TRPC4AP: variants seen among roughly 807,000 people sequenced by gnomAD.
TRPC4AP encodes short transient receptor potential channel 4-associated protein.
A neutral mutation model predicts 99.0 loss-of-function variants in TRPC4AP; 45 were observed. The observed-to-expected ratio is 0.45, with a 90% CI of 0.36 to 0.58. TRPC4AP has a LOEUF of 0.58. Among genes scored for constraint, TRPC4AP ranks in the 20% least tolerant of loss-of-function variants. The probability of loss-of-function intolerance (pLI) is 0.00; values close to 1 mark genes in which losing one functional copy is unlikely to be tolerated. For missense variants in TRPC4AP, 879 were observed against 985.3 expected, an observed-to-expected ratio of 0.89 and a Z score of 1.44; for synonymous variants, 408 against 385.8, an observed-to-expected ratio of 1.06 and a Z score of -0.67.
intron 13 of TRPC4AP, among the ~76,000 whole-genome samples, chr20:35,007,884 G>T (rs1029931154): frequency 3.3e-5 from 5 of 152,328 alleles, no homozygotes; most frequent in Non-Finnish European, 5.9e-5. Flanking sequence ...CACAGAAAGG[G>T]TAACATCTGG....
chr20:35,024,377 C>A (rs1569096282), intron 8 of TRPC4AP, among the ~76,000 whole-genome samples: 1 of 152,170 alleles, frequency 6.6e-6, no homozygotes, highest in Non-Finnish European at 1.5e-5. Flanking sequence ...TATGCAATTG[C>A]CTGTTCAGGA....
intron 8 of TRPC4AP, among the ~76,000 whole-genome samples, chr20:35,024,854 A>AAAAAAACCAT (rs1479270980): frequency 4.5e-5 from 4 of 89,480 alleles, no homozygotes; most frequent in East Asian, 8.7e-4. Context: ...AAAAAAAAAA[A>AAAAAAACCAT]ATTCTGTTTA....
chr20:35,018,604 GAAA>G (rs11479211), intron 9 of TRPC4AP, among the ~76,000 whole-genome samples: 198 of 88,934 alleles, frequency 2.2e-3, no homozygotes, highest in African/African-American at 7.1e-3. Flanking sequence ...CTCAAAAAAA[GAAA>G]AAAAAAAAAA....
At chr20:35,037,117 CG>C (rs901168853) in intron 7 of TRPC4AP, among the ~76,000 whole-genome samples, 2 of 152,014 alleles carry the variant, frequency 1.3e-5, no homozygotes, top group Non-Finnish European at 2.9e-5. Context: ...GAGGCCGAGG[CG>C]GGTGGATCAC....
intron 8 of TRPC4AP, among the ~76,000 whole-genome samples, chr20:35,025,029 T>C (rs1451759484): frequency 6.6e-6 from 1 of 152,094 alleles, no homozygotes. Flanking sequence ...TAACTGTATG[T>C]TAACCCTTTG....
At chr20:35,019,030 T>C (rs557906364) in intron 9 of TRPC4AP, among the ~76,000 whole-genome samples, 2 of 152,338 alleles carry the variant, frequency 1.3e-5, no homozygotes, top group East Asian at 3.9e-4. Context: ...TGACAGCACA[T>C]GGGGAGCCTT....
intron 16 of TRPC4AP, among the ~76,000 whole-genome samples, chr20:35,005,127 C>A (rs527355372): frequency 3.9e-5 from 6 of 152,206 alleles, no homozygotes; most frequent in Non-Finnish European, 8.8e-5. Context: ...TCCCCTGAAA[C>A]AGACCCTCTG....
chr20:35,035,105 G>C lies in TRPC4AP; in HGVS notation c.1051+18C>G, dbSNP rs374924202. The C allele has an allele frequency of 6.2e-7, 1 of 1,607,524 alleles. No homozygotes were observed. On this transcript the variant is annotated intron_variant, in intron 8 of 18. Coordinates refer to ENST00000252015, the MANE Select transcript of TRPC4AP (RefSeq NM_015638.3). The stretch of plus-strand genomic sequence containing the variant: ...AAGGAAAAGCTCCCGATCACTCAGG[G>C]GACCCATCCTTCCATACCTTGATTG...
In TRPC4AP at chr20:35,092,770, C is replaced by G. The variant is rs1416683983; in HGVS notation, c.12G>C (p.Ala4=). Residue 4 remains alanine, a synonymous_variant, in exon 1 of 19, where the codon GCG becomes GCC. Coordinates refer to ENST00000252015, the MANE Select transcript of TRPC4AP (RefSeq NM_015638.3). ...CGGCTCCAGACCCAGCCGCTACCGG[C>G]GCCGCCGCCATGTCTCCTCGTCGGA... MAA[A]PVAAGSGAGR... is the part of the protein sequence containing the mutation. 19 of 1,538,200 alleles carry G rather than the reference C, an allele frequency of 1.2e-5. No homozygotes were observed. Among genetic ancestry groups the G allele is most frequent in the Non-Finnish European group, 1.6e-5 (19 of 1,154,648 alleles).
intron 17 of TRPC4AP, among the ~76,000 whole-genome samples, chr20:35,003,929 G>C (rs1231618110): frequency 6.6e-6 from 1 of 152,218 alleles, no homozygotes; most frequent in Non-Finnish European, 1.5e-5. Flanking sequence ...CTGGGTGCGT[G>C]TGTTGGGGCG....
intron 3 of TRPC4AP, among the ~76,000 whole-genome samples, chr20:35,063,818 A>G (rs117573845): frequency 0.082 from 12,494 of 152,196 alleles, 595 homozygotes; most frequent in South Asian, 0.13. Context: ...CTAGGATCGT[A>G]CCACTGCACT....
Position 35,003,537 on chromosome 20 carries a change from C to T in TRPC4AP, c.2129G>A (p.Arg710Gln), listed in dbSNP as rs749712118. 1.1e-5 allele frequency: 18 copies of T among 1,613,794 alleles called. No homozygotes were observed. Among genetic ancestry groups the T allele is most frequent in the Middle Eastern group, 1.6e-4 (1 of 6,084 alleles). Residue 710 changes from arginine to glutamine, a missense_variant, in exon 18 of 19, where the codon CGG (arginine) becomes CAG (glutamine). This residue lies in a region of TRPC4AP where 224 missense variants were observed against 264.7 expected (regional missense o/e 0.85). Transcript: ENST00000252015. The stretch of plus-strand genomic sequence containing the variant: ...GCTGTGCTCCATCCGCTGCAGCAGC[C>T]GCAGGTACAGGGGCAGCCGCTCTTT... ...RRKERLPLYL[R>Q]LLQRMEHSKK...
chr20:35,085,693 C>T (rs1429219550), intron 1 of TRPC4AP, among the ~76,000 whole-genome samples: 1 of 151,738 alleles, frequency 6.6e-6, no homozygotes, highest in African/African-American at 2.4e-5. Context: ...ATTCAGTCAT[C>T]TTCCCAGTTG....
rs1011617491 is a variant in TRPC4AP, at chr20:35,002,950, G to A, written c.*196C>T. 17 of 673,222 alleles carry A rather than the reference G, an allele frequency of 2.5e-5. No homozygotes were observed. The South Asian group carries it at 2.7e-4, about 11-fold the overall frequency. The allele number at this position is 673,222 out of a possible 1,614,324, so 41.7% of individuals were successfully genotyped here. A position where few individuals can be genotyped will look rare whatever the true frequency, so the allele number is the denominator to read the frequency against. On this transcript the variant is annotated 3_prime_UTR_variant, in exon 19 of 19. Coordinates refer to ENST00000252015, the MANE Select transcript of TRPC4AP (RefSeq NM_015638.3). The stretch of plus-strand genomic sequence containing the variant: ...GTACCCTGTCCTCATTATGGGGACT[G>A]AGGCTCTCCATGACCTAGGGCCCTC...
At chr20:35,011,616 CCTGTGA>C (rs1050424006) in intron 11 of TRPC4AP, among the ~76,000 whole-genome samples, 5 of 63,152 alleles carry the variant, frequency 7.9e-5, no homozygotes, top group African/African-American at 1.7e-4. Flanking sequence ...AAAATCCAGG[CCTGTGA>C]CTGTGACCCA....
chr20:35,004,380 G>A (rs1386413659), intron 17 of TRPC4AP, 78 bp downstream of exon 17: 2 of 1,316,624 alleles, frequency 1.5e-6, no homozygotes, highest in African/African-American at 1.5e-5. Context: ...GTGGGGGACA[G>A]AAACCTGCTG....
At position 35,057,544 on chromosome 20, in the gene TRPC4AP, T is replaced by C. The variant is rs1204993979; in HGVS notation, c.442A>G (p.Thr148Ala). 2 of 1,612,196 alleles carry C rather than the reference T, an allele frequency of 1.2e-6. No homozygotes were observed. Among genetic ancestry groups the C allele is most frequent in the African/African-American group, 1.3e-5 (1 of 74,808 alleles). The change falls in exon 4 of 19, where the codon ACG becomes GCG. Residue 148 changes from threonine (T) to alanine (A), a missense_variant. Around this residue, in one of 3 missense-constraint regions of TRPC4AP, gnomAD observed 603 missense variants for 631.8 expected, o/e 0.95. Transcript: ENST00000252015. The stretch of plus-strand genomic sequence containing the variant: ...AGTTTCTGTCCCCGGATAGAGATCG[T>C]AGGCCTCATAAGAATTTCTACAAGA... ...DLLVEILMRPTISIRGQKLKI... is the reference protein window; with the variant it reads ...DLLVEILMRPAISIRGQKLKI...
rs571202341 is a variant in TRPC4AP at position 35,053,599 on chromosome 20, G to A, written c.528+1377C>T. 1.2e-4 allele frequency among the ~76,000 whole-genome samples: 18 copies of A among 152,200 alleles called. No homozygotes were observed. The South Asian group carries it at 2.5e-3, about 21-fold the overall frequency. On this transcript the variant is annotated intron_variant, in intron 5 of 18. Transcript: ENST00000252015. The stretch of plus-strand genomic sequence containing the variant: ...CTGTCATTGGCTATACATGGCTACC[G>A]AGCACTTAAAAGGTGGCCAGGCCAA...
chr20:35,012,094 A>G (rs2082651249), intron 11 of TRPC4AP, among the ~76,000 whole-genome samples: 1 of 152,196 alleles, frequency 6.6e-6, no homozygotes, highest in South Asian at 2.1e-4. Flanking sequence ...CTCAGGGAAA[A>G]CAGCACAGTT....
Sources: allele counts gnomAD v4.1 joint callset (sites outside exome capture counted in the v4.1 genomes callset), GRCh38; gene constraint gnomAD v4.1.1; regional missense constraint gnomAD v4.1.1; transcripts MANE v1.5; gene names NCBI Gene and HGNC (gene_info 2026-07-23, HGNC 2026-07-21).